The following TRIM33 variants were observed in gnomAD, a reference collection of about 807,000 sequenced individuals.
TRIM33 encodes the protein E3 ubiquitin-protein ligase TRIM33.
In TRIM33, 20 loss-of-function variants were observed where a neutral mutation model predicts 125.4. The observed-to-expected ratio is 0.16, with a 90% CI of 0.11 to 0.23. The LOEUF is 0.23. Among genes scored for constraint, TRIM33 ranks in the 10% least tolerant of loss-of-function variants. The probability of loss-of-function intolerance (pLI) is 1.00; values close to 1 mark genes in which losing one functional copy is unlikely to be tolerated. For missense variants in TRIM33, 920 were observed against 1,411.4 expected, an observed-to-expected ratio of 0.65 and a Z score of 5.58; for synonymous variants, 564 against 513.9, an observed-to-expected ratio of 1.10 and a Z score of -1.32.
chr1:114,425,992 TA>T, intron 8 of TRIM33, among the ~76,000 whole-genome samples: 1 of 152,202 alleles, frequency 6.6e-6, no homozygotes, highest in African/African-American at 2.4e-5. Flanking sequence ...ATTAAGACAG[TA>T]AAAGAGATTA....
chr1:114,452,138 T>C (rs897887360), intron 4 of TRIM33, among the ~76,000 whole-genome samples: 6 of 152,076 alleles, frequency 3.9e-5, no homozygotes, highest in Non-Finnish European at 5.9e-5. Context: ...CACAAACTTA[T>C]GGCCAATCTA....
At chr1:114,473,445 G>A (rs2101444255) in intron 1 of TRIM33, among the ~76,000 whole-genome samples, 1 of 152,154 alleles carries the variant, frequency 6.6e-6, no homozygotes, top group South Asian at 2.1e-4. Flanking sequence ...AGACCACACA[G>A]GCTAAACTAA....
intron 10 of TRIM33, 85 bp downstream of exon 10, chr1:114,424,506 G>C: frequency 8.0e-7 from 1 of 1,254,206 alleles, no homozygotes. Context: ...ACACATCAAT[G>C]ACCTGCTCCC....
chr1:114,494,405 A>G (rs1652249021), intron 1 of TRIM33, among the ~76,000 whole-genome samples: 1 of 152,228 alleles, frequency 6.6e-6, no homozygotes, highest in African/African-American at 2.4e-5. Context: ...GATGAGGATA[A>G]GGAGTGGGAG....
Position 114,397,347 on chromosome 1 carries a change from A to G in TRIM33, c.*301T>C. 1 of 424,614 alleles carries G rather than the reference A, an allele frequency of 2.4e-6. No homozygotes were observed. The allele number at this position is 424,614 out of a possible 1,614,324, so 26.3% of individuals were successfully genotyped here. On this transcript the variant is annotated 3_prime_UTR_variant, in exon 20 of 20. Transcript: ENST00000358465. Reference sequence around the variant, plus strand: ...ACCAATCAATAGCACACAATCATCAATATTTGCCATTTCTAACAATCAGAG... The same window carrying G: ...ACCAATCAATAGCACACAATCATCAGTATTTGCCATTTCTAACAATCAGAG...
At chr1:114,495,284 C>T (rs773216611) in intron 1 of TRIM33, among the ~76,000 whole-genome samples, 1 of 152,162 alleles carries the variant, frequency 6.6e-6, no homozygotes, top group South Asian at 2.1e-4. Flanking sequence ...ATACTAGTTA[C>T]TTTCCTAGTT....
chr1:114,398,082 G>A, intron 18 of TRIM33, 92 bp from the exon 19 acceptor site: 1 of 1,324,980 alleles, frequency 7.5e-7, no homozygotes, highest in African/African-American at 1.5e-5. Context: ...CGAAAAGTCA[G>A]CCATACTAGG....
At chr1:114,486,651 C>A (rs138899017) in intron 1 of TRIM33, among the ~76,000 whole-genome samples, 2 of 151,084 alleles carry the variant, frequency 1.3e-5, no homozygotes, top group East Asian at 1.9e-4. Flanking sequence ...GACCTTCAGG[C>A]AAAATCAAGA....
intron 4 of TRIM33, among the ~76,000 whole-genome samples, chr1:114,454,570 C>T (rs1217401090): frequency 6.6e-6 from 1 of 151,326 alleles, no homozygotes; most frequent in Admixed American, 6.6e-5. Context: ...CTTGTAGTCC[C>T]AACTACTCAG....
intron 4 of TRIM33, among the ~76,000 whole-genome samples, chr1:114,437,492 C>T (rs74404051): frequency 0.043 from 6,598 of 152,186 alleles, 154 homozygotes; most frequent in South Asian, 0.063. Context: ...GCATGAGTCA[C>T]GACACCCAGC....
At chr1:114,412,364 ATAAATGATG>A (rs1244036961) in intron 11 of TRIM33, among the ~76,000 whole-genome samples, 2 of 152,256 alleles carry the variant, frequency 1.3e-5, no homozygotes, top group Non-Finnish European at 2.9e-5. Context: ...ACATTAAGGT[ATAAATGATG>A]TACAATAAAC....
intron 1 of TRIM33, 91 bp downstream of exon 1, chr1:114,510,460 C>T: frequency 8.0e-7 from 1 of 1,255,864 alleles, no homozygotes; most frequent in Non-Finnish European, 1.0e-6. Flanking sequence ...CCCGTCCGAG[C>T]AGCCCCAGGC....
At chr1:114,483,854 G>A (rs929438161) in intron 1 of TRIM33, among the ~76,000 whole-genome samples, 1 of 152,140 alleles carries the variant, frequency 6.6e-6, no homozygotes, top group Non-Finnish European at 1.5e-5. Context: ...AGACATCACA[G>A]ATAAAATATT....
Position 114,463,092 on chromosome 1 carries a change from T to C in TRIM33, c.923+12A>G. On this transcript the variant is annotated intron_variant, in intron 4 of 19. Transcript: ENST00000358465. ...TATAGTATTTCCTGGTAAGCAATTA[T>C]GATTTCTGTACCTATGTTCTTTGTG... is the stretch of plus-strand genomic sequence containing the variant. The C allele has an allele frequency of 6.4e-7, 1 of 1,568,108 alleles. No individual in the cohort carries two copies. The highest frequency in any genetic ancestry group is 8.6e-7 in the Non-Finnish European group (1 of 1,161,822).
intron 1 of TRIM33, among the ~76,000 whole-genome samples, chr1:114,501,184 C>G (rs1430860712): frequency 1.8e-5 from 1 of 56,428 alleles, no homozygotes; most frequent in Non-Finnish European, 3.5e-5. Context: ...AGCGAGACTC[C>G]GTCTCAAAAA....
intron 10 of TRIM33, among the ~76,000 whole-genome samples, chr1:114,422,137 A>G (rs1027315996): frequency 2.0e-5 from 3 of 152,224 alleles, no homozygotes; most frequent in African/African-American, 4.8e-5. Context: ...AGAAATGTGG[A>G]TAACAATACC....
chr1:114,494,036 G>A lies in TRIM33; in HGVS notation c.526+16515C>T, dbSNP rs560571528. On this transcript the variant is annotated intron_variant, in intron 1 of 19. Coordinates refer to ENST00000358465, the MANE Select transcript of TRIM33 (RefSeq NM_015906.4). Reference sequence around the variant, plus strand: ...GATGGGGTTTCACCAGGTTGGCCAGGATGGTCTCGATCTCCTGACCTCGTG... The same window carrying A: ...GATGGGGTTTCACCAGGTTGGCCAGAATGGTCTCGATCTCCTGACCTCGTG... Among the ~76,000 whole-genome samples, 8 of 152,210 alleles carry A rather than the reference G, an allele frequency of 5.3e-5. No individual in the cohort carries two copies. The East Asian group carries it at 1.5e-3, about 29-fold the overall frequency.
At chr1:114,421,196 G>C (rs529049401) in intron 11 of TRIM33, among the ~76,000 whole-genome samples, 32 of 152,054 alleles carry the variant, frequency 2.1e-4, no homozygotes, top group Non-Finnish European at 3.7e-4. Context: ...TAGAAACAGA[G>C]GATAGAAAGA....
chr1:114,509,029 C>T (rs750429967), intron 1 of TRIM33, among the ~76,000 whole-genome samples: 13 of 152,182 alleles, frequency 8.5e-5, no homozygotes, highest in Non-Finnish European at 1.9e-4. Context: ...TCCTTTACTA[C>T]CCATTCCAAA....
Sources: allele counts gnomAD v4.1 joint callset (sites outside exome capture counted in the v4.1 genomes callset), GRCh38; gene constraint gnomAD v4.1.1; transcripts MANE v1.5; gene names NCBI Gene and HGNC (gene_info 2026-07-23, HGNC 2026-07-21).